Variants in ZFAND3 observed in about 807,000 individuals in gnomAD.
ZFAND3 encodes AN1-type zinc finger protein 3.
Under a neutral mutation model 29.6 loss-of-function variants are expected in ZFAND3, and 10 were observed. The observed-to-expected ratio is 0.34, with a 90% CI of 0.21 to 0.57. The LOEUF (loss-of-function observed/expected upper bound fraction) is 0.57, where lower values mean the gene tolerates loss of function less well. ZFAND3 is among the 20% of genes least tolerant of loss of function. The pLI is 0.86. For synonymous variants in ZFAND3, 128 were observed against 112.6 expected, an observed-to-expected ratio of 1.14 and a Z score of -0.87; for missense variants, 230 against 304.5, an observed-to-expected ratio of 0.76 and a Z score of 1.82.
intron 3 of ZFAND3, among the ~76,000 whole-genome samples, chr6:38,073,811 T>C (rs1478218288): frequency 6.6e-6 from 1 of 152,248 alleles, no homozygotes; most frequent in Non-Finnish European, 1.5e-5. Context: ...CATATTTAAC[T>C]GCTTACCCAG....
At chr6:38,138,551 G>A (rs1765887244) in intron 5 of ZFAND3, among the ~76,000 whole-genome samples, 2 of 152,198 alleles carry the variant, frequency 1.3e-5, no homozygotes, top group Non-Finnish European at 2.9e-5. Context: ...CCGCATTCCA[G>A]CCCTGCTGGC....
intron 4 of ZFAND3, among the ~76,000 whole-genome samples, chr6:38,098,356 G>T (rs1765024215): frequency 6.6e-6 from 1 of 152,138 alleles, no homozygotes; most frequent in Admixed American, 6.5e-5. Context: ...CACCATGTTG[G>T]CCAGGCTGGT....
At chr6:37,886,509 C>T (rs1764997613) in intron 1 of ZFAND3, among the ~76,000 whole-genome samples, 1 of 152,104 alleles carries the variant, frequency 6.6e-6, no homozygotes, top group Non-Finnish European at 1.5e-5. Flanking sequence ...TTGTTTGGGT[C>T]AGAAGTAGTG....
chr6:37,880,602 GC>G (rs1334328742), intron 1 of ZFAND3, among the ~76,000 whole-genome samples: 2 of 151,954 alleles, frequency 1.3e-5, no homozygotes, highest in African/African-American at 2.4e-5. Flanking sequence ...AGAAAACAGT[GC>G]CTATTTATTC....
intron 1 of ZFAND3, among the ~76,000 whole-genome samples, chr6:37,844,180 T>G (rs888050654): frequency 4.6e-5 from 7 of 152,252 alleles, no homozygotes; most frequent in Admixed American, 3.3e-4. Context: ...CGCCTCGACC[T>G]CCTAAAGTGT....
chr6:37,937,613 C>A (rs1471617763), intron 2 of ZFAND3, among the ~76,000 whole-genome samples: 2 of 127,164 alleles, frequency 1.6e-5, no homozygotes, highest in African/African-American at 5.8e-5. Context: ...CGAGATCACG[C>A]TGCTGTACTC....
intron 1 of ZFAND3, among the ~76,000 whole-genome samples, chr6:37,890,878 T>C (rs938597859): frequency 6.6e-6 from 1 of 152,242 alleles, no homozygotes; most frequent in African/African-American, 2.4e-5. Context: ...GTTTTCAGTA[T>C]GTTAAAAGTG....
intron 2 of ZFAND3, among the ~76,000 whole-genome samples, chr6:37,948,877 T>A (rs1317290759): frequency 1.3e-5 from 2 of 152,246 alleles, no homozygotes; most frequent in East Asian, 3.8e-4. Flanking sequence ...TTAGGTTGAT[T>A]CCATGTCTTT....
At chr6:38,152,137 G>A in intron 5 of ZFAND3, 98 bp from the exon 6 acceptor site, 1 of 1,178,090 alleles carries the variant, frequency 8.5e-7, no homozygotes, top group African/African-American at 1.6e-5. Context: ...CACTCACTGG[G>A]ATGCCCCTCC....
intron 4 of ZFAND3, among the ~76,000 whole-genome samples, chr6:38,087,146 A>T (rs1221497498): frequency 6.6e-6 from 1 of 152,244 alleles, no homozygotes; most frequent in African/African-American, 2.4e-5. Context: ...GTGCAGAAGT[A>T]TGAAACTAGA....
intron 2 of ZFAND3, among the ~76,000 whole-genome samples, chr6:37,977,500 A>T (rs968705749): frequency 2.6e-5 from 4 of 151,972 alleles, no homozygotes; most frequent in Admixed American, 2.6e-4. Context: ...CGGGGGTTTC[A>T]CCATGTTGAC....
At chr6:37,834,827 GAT>G (rs1396372692) in intron 1 of ZFAND3, among the ~76,000 whole-genome samples, 1 of 142,894 alleles carries the variant, frequency 7.0e-6, no homozygotes, top group African/African-American at 2.7e-5. Flanking sequence ...ATATCATTAT[GAT>G]ATATGTGTGT....
chr6:37,930,574 C>T (rs1010916311), intron 2 of ZFAND3, among the ~76,000 whole-genome samples: 8 of 152,086 alleles, frequency 5.3e-5, no homozygotes, highest in East Asian at 3.9e-4. Flanking sequence ...CAAATCACCT[C>T]GGGTAAGTCA....
chr6:38,044,865 A>G (rs1763865340), intron 2 of ZFAND3, among the ~76,000 whole-genome samples: 1 of 152,058 alleles, frequency 6.6e-6, no homozygotes, highest in African/African-American at 2.4e-5. Flanking sequence ...TGCTGAGACA[A>G]TTGAAGTATA....
At chr6:37,891,279 A>G (rs373922825) in intron 1 of ZFAND3, among the ~76,000 whole-genome samples, 7 of 152,122 alleles carry the variant, frequency 4.6e-5, no homozygotes, top group East Asian at 1.9e-4. Context: ...GCATAATTCC[A>G]TTATATGGTT....
chr6:37,918,586 A>T (rs994031520), intron 1 of ZFAND3, among the ~76,000 whole-genome samples: 1 of 152,162 alleles, frequency 6.6e-6, no homozygotes, highest in Non-Finnish European at 1.5e-5. Context: ...TAAAATTATC[A>T]TGCCTTTGAT....
At chr6:38,029,337 A>AG (rs1186475178) in intron 2 of ZFAND3, among the ~76,000 whole-genome samples, 1 of 152,242 alleles carries the variant, frequency 6.6e-6, no homozygotes, top group Non-Finnish European at 1.5e-5. Context: ...GATTTCAGGA[A>AG]GAATAGCTAT....
At chr6:37,830,602 C>T (rs534889197) in intron 1 of ZFAND3, among the ~76,000 whole-genome samples, 14 of 152,320 alleles carry the variant, frequency 9.2e-5, no homozygotes, top group Admixed American at 5.9e-4. Context: ...TCTGCTAAGA[C>T]CATAGATACC....
intron 1 of ZFAND3, among the ~76,000 whole-genome samples, chr6:37,876,376 T>A (rs1764792928): frequency 6.6e-6 from 1 of 152,210 alleles, no homozygotes; most frequent in South Asian, 2.1e-4. Context: ...AGAGAACTTC[T>A]TACCTACGTG....
Sources: gnomAD v4.1 joint callset for allele counts (sites outside exome capture counted in the v4.1 genomes callset) on GRCh38, gnomAD v4.1.1 for gene constraint, MANE v1.5 for transcripts, NCBI Gene and HGNC (gene_info 2026-07-23, HGNC 2026-07-21) for gene names.